The following HNRNPLL variants were observed in gnomAD, a reference collection of about 807,000 sequenced individuals.
HNRNPLL encodes the protein heterogeneous nuclear ribonucleoprotein L-like.
HNRNPLL carries 25 observed loss-of-function variants against 67.1 expected under a neutral mutation model. That is an observed-to-expected ratio of 0.37 (90% CI 0.27 to 0.52). HNRNPLL has a LOEUF of 0.52. HNRNPLL is among the 20% of genes least tolerant of loss of function. The probability of loss-of-function intolerance (pLI) is 0.90; values close to 1 mark genes in which losing one functional copy is unlikely to be tolerated. For synonymous variants in HNRNPLL, 267 were observed against 241.7 expected, an observed-to-expected ratio of 1.10 and a Z score of -0.97; for missense variants, 542 against 673.9, an observed-to-expected ratio of 0.80 and a Z score of 2.17.
Position 38,564,019 on chromosome 2 carries a change from A to C in HNRNPLL, c.*163T>G, listed in dbSNP as rs1183560426. On this transcript the variant is annotated 3_prime_UTR_variant, in exon 13 of 13. Coordinates refer to ENST00000449105, the MANE Select transcript of HNRNPLL (RefSeq NM_138394.4). ...TAAAATGAAAACAATTCAATATTTA[A>C]GCTTACAACAAATTTACTCAAGGCA... 1 of 590,708 alleles carries C rather than the reference A, an allele frequency of 1.7e-6. No individual in the cohort carries two copies. Among genetic ancestry groups the C allele is most frequent in the African/African-American group, 1.9e-5 (1 of 52,660 alleles). 36.6% of individuals were successfully genotyped at this position (590,708 alleles called of 1,614,324 possible). A position where few individuals can be genotyped will look rare whatever the true frequency, so the allele number is the denominator to read the frequency against.
At position 38,573,431 on chromosome 2, in the gene HNRNPLL, T is replaced by C. The variant is rs760521869; in HGVS notation, c.875-4A>G. On this transcript the variant is annotated splice_polypyrimidine_tract_variant and splice_region_variant and intron_variant, in intron 7 of 12. Coordinates refer to ENST00000449105, the MANE Select transcript of HNRNPLL (RefSeq NM_138394.4). ...GGCAATAATGGACCATGGGATCCTATAAAAATGATCAAAATAAATAAATTA... is the reference window on the plus strand; with the variant it reads ...GGCAATAATGGACCATGGGATCCTACAAAAATGATCAAAATAAATAAATTA... The C allele has an allele frequency of 1.9e-6, 3 of 1,581,170 alleles. No individual in the cohort carries two copies. Among genetic ancestry groups the C allele is most frequent in the South Asian group, 1.1e-5 (1 of 88,692 alleles).
intron 12 of HNRNPLL, among the ~76,000 whole-genome samples, chr2:38,567,464 A>C (rs558175651): frequency 6.6e-6 from 1 of 152,166 alleles, no homozygotes; most frequent in Non-Finnish European, 1.5e-5. Flanking sequence ...GGAAGAAAAA[A>C]AGAACAAGAC....
At chr2:38,564,299 T>C in intron 12 of HNRNPLL, 62 bp from the exon 13 acceptor site, 1 of 879,434 alleles carries the variant, frequency 1.1e-6, no homozygotes, top group Non-Finnish European at 1.9e-6. Flanking sequence ...CACCTTGAAG[T>C]ATCAGAGTAA....
rs571147779 is a variant in HNRNPLL, at chr2:38,585,780, T to C, written c.410A>G (p.Tyr137Cys). The change falls in exon 3 of 13, where the codon TAC (tyrosine) becomes TGC (cysteine). Residue 137 changes from tyrosine to cysteine, a missense_variant. Physicochemically the swap from Tyr to Cys is radical, Grantham distance 194 (BLOSUM62 -2). This residue lies in a region of HNRNPLL where 415 missense variants were observed against 575.2 expected (regional missense o/e 0.72). Coordinates refer to ENST00000449105, the MANE Select transcript of HNRNPLL (RefSeq NM_138394.4). ...CVTFAADEPV[Y>C]IAGQQAFFNY... Reference sequence around the variant, plus strand: ...GAAAAAAGCCTGTTGACCAGCAATGTACACGGGTTCATCTGCAGCAAATGT... The same window carrying C: ...GAAAAAAGCCTGTTGACCAGCAATGCACACGGGTTCATCTGCAGCAAATGT... 1.2e-6 allele frequency: 2 copies of C among 1,613,644 alleles called. No homozygotes were observed. Among genetic ancestry groups the C allele is most frequent in the Admixed American group, 3.3e-5 (2 of 60,020 alleles).
intron 1 of HNRNPLL, among the ~76,000 whole-genome samples, chr2:38,600,297 T>C (rs1667376148): frequency 6.6e-6 from 1 of 151,350 alleles, no homozygotes; most frequent in Non-Finnish European, 1.5e-5. Flanking sequence ...CCCGCCGGGG[T>C]AACTTAAAAG....
At chr2:38,567,172 C>T (rs1029899775) in intron 12 of HNRNPLL, among the ~76,000 whole-genome samples, 1 of 152,092 alleles carries the variant, frequency 6.6e-6, no homozygotes, top group Admixed American at 6.6e-5. Flanking sequence ...GGCGTGATCT[C>T]GTCTCACTGC....
rs1667506910 is a variant in HNRNPLL, at chr2:38,602,785, G to C, written c.-159C>G. The C allele has an allele frequency of 1.3e-6, 2 of 1,533,778 alleles. No homozygotes were observed. Among genetic ancestry groups the C allele is most frequent in the East Asian group, 5.2e-5 (2 of 38,420 alleles). ...GGACTGCGCGGCCAGGAGACTGGCG[G>C]CTGAGAAGCGCGGACGGACTGAGGG... On this transcript the variant is annotated 5_prime_UTR_variant, in exon 1 of 13. Coordinates refer to ENST00000449105, the MANE Select transcript of HNRNPLL (RefSeq NM_138394.4).
chr2:38,585,658 A>G lies in HNRNPLL; in HGVS notation c.532T>C (p.Tyr178His). ...VLLLSIQNPL[Y>H]PITVDVLYTV... ...AAAACACATACCACTGTAATTGGAT[A>G]AAGCGGATTCTGAATTGAGAGCAGA... Residue 178 changes from tyrosine to histidine, a missense_variant, in exon 3 of 13, where the codon TAT (tyrosine) becomes CAT (histidine). Tyr to His is a moderately conservative substitution (Grantham distance 83). This residue lies in a region of HNRNPLL where 415 missense variants were observed against 575.2 expected (regional missense o/e 0.72). Transcript: ENST00000449105. 1 of 1,596,864 alleles carries G rather than the reference A, an allele frequency of 6.3e-7. No homozygotes were observed. The highest frequency in any genetic ancestry group is 1.1e-5 in the South Asian group (1 of 90,724).
chr2:38,590,809 G>A (rs1028303266), intron 2 of HNRNPLL, among the ~76,000 whole-genome samples: 2 of 152,094 alleles, frequency 1.3e-5, no homozygotes, highest in Non-Finnish European at 2.9e-5. Flanking sequence ...GACAGCAGCT[G>A]AGGCAATGTT....
rs773170156 is a variant in HNRNPLL at position 38,602,871 on chromosome 2, G to A, written c.-245C>T. The A allele has an allele frequency of 7.7e-6, 12 of 1,549,288 alleles. 1 individual carries two copies. The South Asian group carries it at 1.3e-4, about 17-fold the overall frequency. ...CTCTCAATTACCGAGCCAACATTCA[G>A]CCTCTCCCTCCTCCTCCTCCGTCTC... On this transcript the variant is annotated 5_prime_UTR_variant, in exon 1 of 13. Coordinates refer to ENST00000449105, the MANE Select transcript of HNRNPLL (RefSeq NM_138394.4).
At chr2:38,579,829 A>T (rs545318399) in intron 6 of HNRNPLL, among the ~76,000 whole-genome samples, 1 of 152,286 alleles carries the variant, frequency 6.6e-6, no homozygotes, top group South Asian at 2.1e-4. Context: ...ATTTGAGTGC[A>T]AGCTAAGAGC....
intron 6 of HNRNPLL, among the ~76,000 whole-genome samples, chr2:38,579,878 A>T (rs1415787761): frequency 6.6e-6 from 1 of 152,204 alleles, no homozygotes; most frequent in African/African-American, 2.4e-5. Context: ...TGGTCTCGCA[A>T]GACAAATATC....
At chr2:38,582,790 G>T (rs979593919) in intron 4 of HNRNPLL, among the ~76,000 whole-genome samples, 1 of 151,700 alleles carries the variant, frequency 6.6e-6, no homozygotes, top group African/African-American at 2.4e-5. Flanking sequence ...TGTGGTGGCA[G>T]GTGCCTGTCA....
At chr2:38,600,606 G>A (rs1372361138) in intron 1 of HNRNPLL, among the ~76,000 whole-genome samples, 1 of 151,990 alleles carries the variant, frequency 6.6e-6, no homozygotes, top group Non-Finnish European at 1.5e-5. Context: ...GGTGATGCAG[G>A]CTTCCAGTCC....
chr2:38,598,352 A>T (rs1380522415), intron 1 of HNRNPLL, among the ~76,000 whole-genome samples: 1 of 152,168 alleles, frequency 6.6e-6, no homozygotes, highest in Non-Finnish European at 1.5e-5. Context: ...ATGGAAAGAG[A>T]ATCAAGTCCC....
intron 9 of HNRNPLL, 58 bp from the exon 10 acceptor site, chr2:38,569,392 T>C: frequency 4.0e-6 from 5 of 1,236,142 alleles, no homozygotes; most frequent in Non-Finnish European, 5.9e-6. Flanking sequence ...AAGCAGCAAG[T>C]AGTCTCAGAA....
At chr2:38,567,472 G>C (rs545107947) in intron 12 of HNRNPLL, among the ~76,000 whole-genome samples, 1 of 152,202 alleles carries the variant, frequency 6.6e-6, no homozygotes, top group Admixed American at 6.5e-5. Context: ...AAAAGAACAA[G>C]ACAAAAGGTT....
chr2:38,564,362 G>A (rs1665767768), intron 12 of HNRNPLL, 125 bp from the exon 13 acceptor site: 1 of 581,860 alleles, frequency 1.7e-6, no homozygotes, highest in African/African-American at 1.9e-5. Context: ...TATAAAGCAG[G>A]AATATAAAGA....
intron 12 of HNRNPLL, among the ~76,000 whole-genome samples, chr2:38,567,800 A>G (rs779200263): frequency 1.3e-5 from 2 of 152,158 alleles, no homozygotes; most frequent in South Asian, 2.1e-4. Flanking sequence ...CAAAAGGCCA[A>G]TGTGGCTTGA....
Sources: allele counts gnomAD v4.1 joint callset (sites outside exome capture counted in the v4.1 genomes callset), GRCh38; gene constraint gnomAD v4.1.1; regional missense constraint gnomAD v4.1.1; transcripts MANE v1.5; gene names NCBI Gene and HGNC (gene_info 2026-07-23, HGNC 2026-07-21).